Variants in IL1R1 observed in about 807,000 individuals in gnomAD.
The protein encoded by IL1R1 is interleukin-1 receptor type 1.
In IL1R1, 22 loss-of-function variants were observed where a neutral mutation model predicts 50.2. The observed-to-expected ratio is 0.44, with a 90% CI of 0.31 to 0.63. The LOEUF (loss-of-function observed/expected upper bound fraction) is 0.63, where lower values mean the gene tolerates loss of function less well. Among genes scored for constraint, IL1R1 ranks in the 20% least tolerant of loss-of-function variants. The pLI, the probability that IL1R1 is intolerant of heterozygous loss-of-function variation, is 0.07. For synonymous variants in IL1R1, 251 were observed against 236.7 expected, an observed-to-expected ratio of 1.06 and a Z score of -0.55; for missense variants, 509 against 676.2, an observed-to-expected ratio of 0.75 and a Z score of 2.74.
chr2:102,174,804 G>C, intron 10 of IL1R1, 74 bp downstream of exon 10: 1 of 1,287,868 alleles, frequency 7.8e-7, no homozygotes, highest in Non-Finnish European at 1.1e-6. Flanking sequence ...AGATGACTAA[G>C]AGGGTTTTTA....
chr2:102,072,190 G>T (rs934564148), intron 1 of IL1R1, among the ~76,000 whole-genome samples: 2 of 151,594 alleles, frequency 1.3e-5, no homozygotes, highest in African/African-American at 4.9e-5. Flanking sequence ...AACCCGGGAG[G>T]TGGAGGTTGC....
intron 1 of IL1R1, among the ~76,000 whole-genome samples, chr2:102,113,054 G>C (rs1481590579): frequency 2.6e-5 from 4 of 152,226 alleles, no homozygotes; most frequent in African/African-American, 9.7e-5. Flanking sequence ...TACACTTCCA[G>C]CCTCCAGAAC....
At chr2:102,136,200 A>C (rs1348378788) in intron 1 of IL1R1, among the ~76,000 whole-genome samples, 1 of 152,144 alleles carries the variant, frequency 6.6e-6, no homozygotes, top group African/African-American at 2.4e-5. Context: ...ACTATCCCAG[A>C]GTAGGAACAA....
At chr2:102,112,245 C>G (rs1467310148) in intron 1 of IL1R1, among the ~76,000 whole-genome samples, 1 of 151,822 alleles carries the variant, frequency 6.6e-6, no homozygotes, top group Non-Finnish European at 1.5e-5. Context: ...ATCAGACACT[C>G]AGGCCTATTT....
intron 1 of IL1R1, among the ~76,000 whole-genome samples, chr2:102,109,750 G>A (rs1388689375): frequency 1.3e-5 from 2 of 152,080 alleles, no homozygotes; most frequent in Admixed American, 6.6e-5. Flanking sequence ...AGACTCGATG[G>A]GCGTTTAAAA....
chr2:102,169,908 T>G (rs1009994914), intron 7 of IL1R1, among the ~76,000 whole-genome samples: 2 of 152,210 alleles, frequency 1.3e-5, no homozygotes, highest in African/African-American at 4.8e-5. Context: ...ATCTTTTATA[T>G]TTGCTGATAT....
intron 6 of IL1R1, 83 bp from the exon 7 acceptor site, chr2:102,168,515 T>A: frequency 9.6e-7 from 1 of 1,037,082 alleles, no homozygotes; most frequent in Non-Finnish European, 1.5e-6. Context: ...AGAAGTCATT[T>A]AGTATGTTTT....
intron 1 of IL1R1, among the ~76,000 whole-genome samples, chr2:102,071,417 C>A (rs1004626360): frequency 6.6e-6 from 1 of 152,152 alleles, no homozygotes; most frequent in Non-Finnish European, 1.5e-5. Context: ...CTTGAAAAAT[C>A]CATTGCATGG....
At chr2:102,092,436 A>G (rs1679713388) in intron 1 of IL1R1, among the ~76,000 whole-genome samples, 1 of 152,176 alleles carries the variant, frequency 6.6e-6, no homozygotes, top group African/African-American at 2.4e-5. Context: ...TATCCAGAAT[A>G]TCCTTTATCA....
intron 7 of IL1R1, among the ~76,000 whole-genome samples, chr2:102,170,269 A>G (rs1685559227): frequency 6.6e-6 from 1 of 152,214 alleles, no homozygotes; most frequent in South Asian, 2.1e-4. Flanking sequence ...CCTTAACTTA[A>G]TAAATAACAT....
intron 1 of IL1R1, among the ~76,000 whole-genome samples, chr2:102,082,937 G>C (rs1414936414): frequency 6.6e-6 from 1 of 152,194 alleles, no homozygotes; most frequent in Non-Finnish European, 1.5e-5. Context: ...CTCAGGGACT[G>C]TACTCAAGGC....
At chr2:102,127,932 T>C (rs1352963995) in intron 1 of IL1R1, among the ~76,000 whole-genome samples, 1 of 152,228 alleles carries the variant, frequency 6.6e-6, no homozygotes, top group Non-Finnish European at 1.5e-5. Context: ...TAAAGAATCT[T>C]ATGAAACTTC....
intron 3 of IL1R1, among the ~76,000 whole-genome samples, chr2:102,162,817 T>A (rs1192939000): frequency 6.6e-6 from 1 of 152,180 alleles, no homozygotes; most frequent in Admixed American, 6.5e-5. Context: ...ATTTAAATAA[T>A]AAGAAAGATG....
At chr2:102,139,355 G>A (rs922312611), upstream of IL1R1, among the ~76,000 whole-genome samples, 1 of 152,226 alleles carries the variant, frequency 6.6e-6, no homozygotes, top group African/African-American at 2.4e-5. Context: ...TCTGCTGCCA[G>A]GCCTGCTGTT....
At chr2:102,132,697 C>A (rs1682104269) in intron 1 of IL1R1, among the ~76,000 whole-genome samples, 1 of 152,006 alleles carries the variant, frequency 6.6e-6, no homozygotes, top group African/African-American at 2.4e-5. Context: ...AATTGATAAA[C>A]CTTTAGCTGG....
At chr2:102,126,620 A>G (rs1353546599) in intron 1 of IL1R1, among the ~76,000 whole-genome samples, 1 of 151,344 alleles carries the variant, frequency 6.6e-6, no homozygotes, top group Admixed American at 6.6e-5. Context: ...ATAGAGGACA[A>G]TTTGTTGTGC....
Position 102,168,389 on chromosome 2 carries a change from T to C in IL1R1, c.656-209T>C, listed in dbSNP as rs139612980. Reference sequence around the variant, plus strand: ...CCCCACTCTATGAATTCGGAAGGTCTAGCTCTACCCCGGGATTCACAGTGT... The same window carrying C: ...CCCCACTCTATGAATTCGGAAGGTCCAGCTCTACCCCGGGATTCACAGTGT... On this transcript the variant is annotated intron_variant, in intron 6 of 11. Transcript: ENST00000410023. 6.1e-4 allele frequency among the ~76,000 whole-genome samples: 93 copies of C among 152,362 alleles called. 1 individual carries two copies. The South Asian group carries it at 0.015, about 24-fold the overall frequency.
intron 1 of IL1R1, among the ~76,000 whole-genome samples, chr2:102,086,363 C>T (rs995867508): frequency 5.9e-5 from 9 of 152,070 alleles, no homozygotes; most frequent in Non-Finnish European, 8.8e-5. Context: ...TCTAGCTGCT[C>T]TCAGGATATT....
intron 1 of IL1R1, among the ~76,000 whole-genome samples, chr2:102,150,968 C>A (rs1300359698): frequency 1.3e-5 from 2 of 152,200 alleles, no homozygotes; most frequent in African/African-American, 4.8e-5. Context: ...AAAATTCAAT[C>A]TGAAAAATAA....
Sources: gnomAD v4.1 joint callset for allele counts (sites outside exome capture counted in the v4.1 genomes callset) on GRCh38, gnomAD v4.1.1 for gene constraint, MANE v1.5 for transcripts, NCBI Gene and HGNC (gene_info 2026-07-23, HGNC 2026-07-21) for gene names.